BFSP1: variants seen among roughly 807,000 people sequenced by gnomAD.
BFSP1 encodes the protein beaded filament structural protein 1.
Under a neutral mutation model 43.9 loss-of-function variants are expected in BFSP1, and 38 were observed. The ratio of observed to expected loss-of-function variants is 0.87; its 90% CI spans 0.67 to 1.14. The LOEUF (loss-of-function observed/expected upper bound fraction) is 1.14. BFSP1 is among the 50% of genes most tolerant of loss of function. BFSP1 has a pLI of 0.00. For synonymous variants in BFSP1, 352 were observed against 354.8 expected, an observed-to-expected ratio of 0.99 and a Z score of 0.09; for missense variants, 850 against 875.1, an observed-to-expected ratio of 0.97 and a Z score of 0.36.
chr20:17,505,485 CA>C (rs1183708716), intron 5 of BFSP1, among the ~76,000 whole-genome samples: 1 of 152,238 alleles, frequency 6.6e-6, no homozygotes, highest in Non-Finnish European at 1.5e-5. Context: ...AACCCGCTGC[CA>C]CGGCCCTGGT....
intron 1 of BFSP1, among the ~76,000 whole-genome samples, chr20:17,556,978 T>C (rs1269320104): frequency 3.3e-5 from 5 of 152,176 alleles, no homozygotes; most frequent in Non-Finnish European, 5.9e-5. Context: ...ATCCGTGTCC[T>C]GGCTCAGGGC....
chr20:17,542,051 T>C (rs1023300661), intron 1 of BFSP1, among the ~76,000 whole-genome samples: 4 of 152,148 alleles, frequency 2.6e-5, no homozygotes, highest in African/African-American at 9.7e-5. Flanking sequence ...CCAAAATCAA[T>C]TTCAGGGCAT....
chr20:17,537,168 C>A (rs773909623), intron 1 of BFSP1, among the ~76,000 whole-genome samples: 12 of 152,212 alleles, frequency 7.9e-5, no homozygotes, highest in Non-Finnish European at 1.5e-4. Context: ...CATGGTCCCA[C>A]CAGGGTGCAG....
chr20:17,530,998 C>T lies in BFSP1; in HGVS notation c.332G>A (p.Arg111His), dbSNP rs2034521545. 2 of 1,437,644 alleles carry T rather than the reference C, an allele frequency of 1.4e-6. No homozygotes were observed. The highest frequency in any genetic ancestry group is 1.8e-6 in the Non-Finnish European group (2 of 1,100,426). The allele number at this position is 1,437,644 out of a possible 1,614,324, so 89.1% of individuals were successfully genotyped here. A position where few individuals can be genotyped will look rare whatever the true frequency, so the allele number is the denominator to read the frequency against. Residue 111 changes from arginine (R) to histidine (H), a missense_variant, in exon 1 of 8, where the codon CGC becomes CAC. Arg to His is a conservative substitution (Grantham distance 29). Coordinates refer to ENST00000377873, the MANE Select transcript of BFSP1 (RefSeq NM_001195.5). The stretch of plus-strand genomic sequence containing the variant: ...CGCGCGCTGCGCCTCGGTGCCCTGG[C>T]GCTCCAGCCGGGCGCGCTCGGCCTC... ...DLEAERARLE[R>H]QGTEAQRALD...
chr20:17,494,136 C>T lies in BFSP1; in HGVS notation c.1936G>A (p.Val646Met), dbSNP rs145017887. The T allele has an allele frequency of 5.6e-5, 90 of 1,614,152 alleles. No homozygotes were observed. The African/African-American group carries it at 9.2e-4, about 16-fold the overall frequency. ...TTTGTCTTTCCAATCATGGTCTCCA[C>T]GATCACAGCGGTTTCTTCATATGTC... ...IQTYEETAVI[V>M]ETMIGKTKSD... Residue 646 changes from valine to methionine, a missense_variant, in exon 8 of 8, where the codon GTG becomes ATG. Transcript: ENST00000377873.
intron 1 of BFSP1, among the ~76,000 whole-genome samples, chr20:17,536,568 TAC>T (rs1337044536): frequency 6.6e-6 from 1 of 152,212 alleles, no homozygotes; most frequent in Non-Finnish European, 1.5e-5. Flanking sequence ...AAATGTAAAA[TAC>T]AGTTTCAAAA....
intron 1 of BFSP1, among the ~76,000 whole-genome samples, chr20:17,564,799 G>A (rs1180413813): frequency 6.6e-6 from 1 of 152,142 alleles, no homozygotes; most frequent in East Asian, 1.9e-4. Flanking sequence ...ATGTTAGTCA[G>A]GCTGGTCCTG....
At chr20:17,520,462 G>T (rs1341876729) in intron 2 of BFSP1, among the ~76,000 whole-genome samples, 2 of 152,090 alleles carry the variant, frequency 1.3e-5, no homozygotes, top group African/African-American at 4.8e-5. Flanking sequence ...CTAAAGAATG[G>T]GTATTTAAGT....
At chr20:17,559,771 T>A (rs553119122), upstream of BFSP1, among the ~76,000 whole-genome samples, 1 of 152,142 alleles carries the variant, frequency 6.6e-6, no homozygotes, top group African/African-American at 2.4e-5. Flanking sequence ...TGCCAGATGA[T>A]CTGAGATGGA....
intron 3 of BFSP1, 111 bp downstream of exon 3, chr20:17,514,610 C>A: frequency 9.2e-7 from 1 of 1,084,658 alleles, no homozygotes. Flanking sequence ...AGGGAAAACG[C>A]ACAAAGGTAT....
At chr20:17,539,769 A>G (rs2034686932) in intron 1 of BFSP1, among the ~76,000 whole-genome samples, 1 of 152,040 alleles carries the variant, frequency 6.6e-6, no homozygotes, top group Non-Finnish European at 1.5e-5. Context: ...CTATCTCAAA[A>G]AAAAAGACAA....
At chr20:17,555,244 G>A (rs905493197) in intron 1 of BFSP1, among the ~76,000 whole-genome samples, 1 of 143,094 alleles carries the variant, frequency 7.0e-6, no homozygotes, top group Non-Finnish European at 1.5e-5. Context: ...CTGTGTTCGT[G>A]CTGTTGCGCT....
At chr20:17,497,701 C>T (rs1357237642) in intron 6 of BFSP1, among the ~76,000 whole-genome samples, 1 of 150,954 alleles carries the variant, frequency 6.6e-6, no homozygotes, top group African/African-American at 2.4e-5. Context: ...TACACACACA[C>T]ATCATATATA....
chr20:17,509,508 T>G (rs1317654151), intron 4 of BFSP1, among the ~76,000 whole-genome samples: 2 of 152,168 alleles, frequency 1.3e-5, no homozygotes, highest in African/African-American at 4.8e-5. Context: ...CTGAACCTCC[T>G]TGGGAGTGTG....
intron 1 of BFSP1, among the ~76,000 whole-genome samples, chr20:17,526,745 C>T (rs2034433109): frequency 6.6e-6 from 1 of 152,182 alleles, no homozygotes; most frequent in Non-Finnish European, 1.5e-5. Flanking sequence ...AACTGCCATA[C>T]TGTTTTCCAC....
chr20:17,558,569 C>T, intron 1 of BFSP1: 1 of 1,151,694 alleles, frequency 8.7e-7, no homozygotes, highest in Non-Finnish European at 1.2e-6. Flanking sequence ...AGTCATAAAA[C>T]AAATGTGCAA....
At chr20:17,531,435 G>C (rs1039980114), upstream of BFSP1, 2 of 1,234,818 alleles carry the variant, frequency 1.6e-6, no homozygotes, top group Non-Finnish European at 1.0e-6. Context: ...CCGGCGCGCT[G>C]CTGGGACGTT....
chr20:17,499,131 T>G (rs2033730247), intron 5 of BFSP1, 91 bp from the exon 6 acceptor site: 1 of 1,076,338 alleles, frequency 9.3e-7, no homozygotes, highest in South Asian at 1.4e-5. Context: ...ACTCGGTGAA[T>G]GTTTTATGTT....
rs527773642 is a variant in BFSP1 at position 17,512,183 on chromosome 20, A to T, written c.535-115T>A. On this transcript the variant is annotated intron_variant, in intron 3 of 7. Transcript: ENST00000377873. ...CGCACGCTCCCTCATCACAGACAGG[A>T]CAGACCATGACCAGGTTCAGGAGGA... The T allele has an allele frequency of 4.0e-5, 30 of 757,848 alleles. 1 individual carries two copies. In the South Asian group the frequency reaches 4.7e-4, roughly 12 times the overall value. The allele number at this position is 757,848 out of a possible 1,614,324, so 46.9% of individuals were successfully genotyped here.
Sources: allele counts gnomAD v4.1 joint callset (sites outside exome capture counted in the v4.1 genomes callset), GRCh38; gene constraint gnomAD v4.1.1; transcripts MANE v1.5; gene names NCBI Gene and HGNC (gene_info 2026-07-23, HGNC 2026-07-21).